The following FKRP variants were observed in gnomAD, a reference collection of about 807,000 sequenced individuals.
The protein encoded by FKRP is ribitol 5-phosphate transferase FKRP.
In FKRP, 25 loss-of-function variants were observed where a neutral mutation model predicts 30.6. The observed-to-expected ratio is 0.82, with a 90% confidence interval of 0.60 to 1.14. The LOEUF (loss-of-function observed/expected upper bound fraction) is 1.14. Ranked by LOEUF, FKRP falls within the 50% of genes most tolerant of loss-of-function variation. The pLI is 0.00. For missense variants in FKRP, 771 were observed against 727.8 expected (o/e 1.06, Z -0.68); for synonymous variants, 358 against 342.5 (o/e 1.05, Z -0.50).
intron 1 of FKRP, chr19:46,746,840 T>C (rs2054648564): frequency 6.6e-6 from 1 of 152,206 alleles, no homozygotes; most frequent in Non-Finnish European, 1.5e-5. Context: ...AGTGGCCCCA[T>C]CCTCTCTGAT....
At chr19:46,749,190 GC>G (rs1030272274) in intron 3 of FKRP, among the ~76,000 whole-genome samples, 2 of 152,164 alleles carry the variant, frequency 1.3e-5, no homozygotes, top group Non-Finnish European at 2.9e-5. Context: ...CCATAGCCAA[GC>G]TTTGAAAGCC....
chr19:46,748,303 G>A (rs562882514), intron 2 of FKRP, among the ~76,000 whole-genome samples: 3 of 151,424 alleles, frequency 2.0e-5, no homozygotes, highest in East Asian at 2.0e-4. Flanking sequence ...TCAGCCTCCC[G>A]AGTAGCTGGG....
At chr19:46,745,399 CAA>C (rs1349901924), upstream of FKRP, among the ~76,000 whole-genome samples, 1 of 152,152 alleles carries the variant, frequency 6.6e-6, no homozygotes, top group Non-Finnish European at 1.5e-5. Flanking sequence ...CCGGGATCCC[CAA>C]AGTTTCTCCT....
chr19:46,753,576 G>C (rs546683461), intron 3 of FKRP, among the ~76,000 whole-genome samples: 1 of 151,944 alleles, frequency 6.6e-6, no homozygotes, highest in South Asian at 2.1e-4. Context: ...GGGCAGACAA[G>C]GGGAATGTCA....
chr19:46,747,351 G>C (rs1164397662), intron 1 of FKRP: 3 of 151,480 alleles, frequency 2.0e-5, no homozygotes, highest in Admixed American at 6.6e-5. Flanking sequence ...AGCCCCCTTC[G>C]AGTGACCCTA....
intron 3 of FKRP, among the ~76,000 whole-genome samples, chr19:46,752,779 G>A (rs970313443): frequency 6.6e-6 from 1 of 151,208 alleles, no homozygotes; most frequent in African/African-American, 2.4e-5. Flanking sequence ...GCAGGAGGAT[G>A]GCTTGAACAC....
chr19:46,746,038 C>CCCA (rs1568409985), upstream of FKRP: 154 of 1,198,422 alleles, frequency 1.3e-4, 2 homozygotes, highest in African/African-American at 2.4e-3. Context: ...CCCGCCCCCC[C>CCCA]GCCGGCCGTC....
chr19:46,753,632 G>A (rs570248592), intron 3 of FKRP, among the ~76,000 whole-genome samples: 1 of 151,882 alleles, frequency 6.6e-6, no homozygotes, highest in Non-Finnish European at 1.5e-5. Context: ...GCCATGGCAA[G>A]TTCAGAGCAG....
rs1390038437 is a variant in FKRP at position 46,756,200 on chromosome 19, G to T, written c.750G>T (p.Thr250=). Residue 250 remains threonine, a synonymous_variant, in exon 4 of 4, where the codon ACG becomes ACT. Transcript: ENST00000318584. The surrounding 1 kb of genome is among the most constrained non-coding windows in gnomAD (Gnocchi z 6.6). ...CGGCGCGCCAGCCCCCGCTGGCCAC[G>T]GCCCACGCGCGCTGGAAGGCTGAGC... ...FAAARQPPLA[T]AHARWKAERE... The T allele has an allele frequency of 6.3e-6, 9 of 1,430,620 alleles. No individual in the cohort carries two copies. The Admixed American group carries it at 2.4e-4, about 38-fold the overall frequency. 88.6% of individuals were successfully genotyped at this position (1,430,620 alleles called of 1,614,324 possible).
At chr19:46,751,758 G>C (rs930745925) in intron 3 of FKRP, among the ~76,000 whole-genome samples, 8 of 151,600 alleles carry the variant, frequency 5.3e-5, no homozygotes, top group Non-Finnish European at 7.4e-5. Context: ...GTAGAGATGG[G>C]GTTTCACCAT....
intron 3 of FKRP, 52 bp downstream of exon 3, chr19:46,748,717 T>A (rs964544293): frequency 6.6e-6 from 1 of 152,622 alleles, no homozygotes; most frequent in Non-Finnish European, 1.5e-5. Context: ...CTGCCCTGTC[T>A]GTAAGTTGCA....
chr19:46,746,708 G>A (rs1455528452), intron 1 of FKRP: 2 of 152,502 alleles, frequency 1.3e-5, no homozygotes, highest in African/African-American at 4.8e-5. Context: ...TGAGACTGAG[G>A]AAGGGGCCGC....
At chr19:46,746,459 G>C in intron 1 of FKRP, 1 of 990,564 alleles carries the variant, frequency 1.0e-6, no homozygotes, top group Non-Finnish European at 1.2e-6. Context: ...CTGCGCGCCC[G>C]CTGTGCCTCG....
upstream of FKRP, chr19:46,746,050 C>A: frequency 8.1e-7 from 1 of 1,237,416 alleles, no homozygotes; most frequent in South Asian, 2.2e-5. Flanking sequence ...CCGGCCGTCC[C>A]GGCGGCCATT....
At chr19:46,752,472 A>G (rs948848767) in intron 3 of FKRP, among the ~76,000 whole-genome samples, 1 of 152,148 alleles carries the variant, frequency 6.6e-6, no homozygotes, top group African/African-American at 2.4e-5. Context: ...CAGTGCCTAG[A>G]ACAGTGCCTG....
At chr19:46,750,349 A>AG (rs1324434308) in intron 3 of FKRP, among the ~76,000 whole-genome samples, 1 of 152,078 alleles carries the variant, frequency 6.6e-6, no homozygotes, top group Non-Finnish European at 1.5e-5. Context: ...CTGGTCTGCG[A>AG]GGGCCAAGAG....
rs77138370 is a variant in FKRP, at chr19:46,756,272, C to G, written c.822C>G (p.Ile274Met). The change falls in exon 4 of 4, where the codon ATC becomes ATG. Residue 274 changes from isoleucine (I) to methionine (M), a missense_variant. Coordinates refer to ENST00000318584, the MANE Select transcript of FKRP (RefSeq NM_024301.5). This position sits in a 1 kb window ranked among gnomAD's most constrained non-coding sequence, Gnocchi z 6.6. Reference sequence around the variant, plus strand: ...CGGCGCTGCTCCGCGCGCTGGGCATCCGCCTAGTGAGCTGGGAAGGCGGGC... The same window carrying G: ...CGGCGCTGCTCCGCGCGCTGGGCATGCGCCTAGTGAGCTGGGAAGGCGGGC... Reference protein sequence around the residue: ...RRAALLRALGIRLVSWEGGRL... With the variant: ...RRAALLRALGMRLVSWEGGRL... 894 of 1,508,888 alleles carry G rather than the reference C, an allele frequency of 5.9e-4. 8 individuals carry two copies. In the African/African-American group the frequency reaches 0.011, roughly 18 times the overall value. The allele number at this position is 1,508,888 out of a possible 1,614,324, so 93.5% of individuals were successfully genotyped here. A position where few individuals can be genotyped will look rare whatever the true frequency, so the allele number is the denominator to read the frequency against.
At chr19:46,749,118 G>A (rs989501872) in intron 3 of FKRP, among the ~76,000 whole-genome samples, 1 of 151,956 alleles carries the variant, frequency 6.6e-6, no homozygotes, top group Admixed American at 6.6e-5. Context: ...CAAAACATGG[G>A]GTCCACCACA....
chr19:46,753,170 A>AG (rs1335150360), intron 3 of FKRP, among the ~76,000 whole-genome samples: 1 of 150,746 alleles, frequency 6.6e-6, no homozygotes, highest in African/African-American at 2.4e-5. Flanking sequence ...CTCAAAAAAA[A>AG]AAAAATTGTT....
Sources: allele counts gnomAD v4.1 joint callset (sites outside exome capture counted in the v4.1 genomes callset), GRCh38; gene constraint gnomAD v4.1.1; non-coding constraint Gnocchi (gnomAD v3.1); transcripts MANE v1.5; gene names NCBI Gene and HGNC (gene_info 2026-07-23, HGNC 2026-07-21).